Variants in TACR3 observed in about 807,000 individuals in gnomAD.
The protein encoded by TACR3 is neuromedin-K receptor.
A neutral mutation model predicts 35.0 loss-of-function variants in TACR3; 34 were observed. The ratio of observed to expected loss-of-function variants is 0.97; its 90% confidence interval spans 0.74 to 1.30. The LOEUF is 1.30. TACR3 is among the 50% of genes most tolerant of loss of function. TACR3 has a pLI of 0.00. For synonymous variants in TACR3, 233 were observed against 221.1 expected, an observed-to-expected ratio of 1.05 and a Z score of -0.48; for missense variants, 558 against 591.7, an observed-to-expected ratio of 0.94 and a Z score of 0.59.
intron 3 of TACR3, among the ~76,000 whole-genome samples, chr4:103,609,012 A>C (rs1328630714): frequency 2.6e-5 from 4 of 152,120 alleles, no homozygotes; most frequent in African/African-American, 9.7e-5. Flanking sequence ...ATTTGATTAG[A>C]AAACAGTGTA....
Position 103,660,704 on chromosome 4 carries a change from T to C in TACR3, c.549-2301A>G, listed in dbSNP as rs77641137. On this transcript the variant is annotated intron_variant, in intron 1 of 4. Transcript: ENST00000304883. Reference sequence around the variant, plus strand: ...ATATCAAGTATACCTCAATAAAGCTTACAGAAAGAGAAAAGAAAAAGTAGT... The same window carrying C: ...ATATCAAGTATACCTCAATAAAGCTCACAGAAAGAGAAAAGAAAAAGTAGT... Among the ~76,000 whole-genome samples the C allele has an allele frequency of 1.7e-3, 254 of 152,022 alleles. 7 individuals are homozygous for C. In the East Asian group the frequency reaches 0.047, roughly 28 times the overall value.
chr4:103,619,154 G>A (rs1414672113), intron 3 of TACR3, among the ~76,000 whole-genome samples: 1 of 151,974 alleles, frequency 6.6e-6, no homozygotes, highest in African/African-American at 2.4e-5. Context: ...GGGTTTTCTA[G>A]GTATACAATC....
chr4:103,596,315 G>A (rs1305833731), intron 3 of TACR3, among the ~76,000 whole-genome samples: 1 of 151,936 alleles, frequency 6.6e-6, no homozygotes, highest in Non-Finnish European at 1.5e-5. Flanking sequence ...ACATCCCTGA[G>A]GAATCGCCAC....
intron 1 of TACR3, among the ~76,000 whole-genome samples, chr4:103,687,356 T>C (rs1722273940): frequency 6.6e-6 from 1 of 152,092 alleles, no homozygotes; most frequent in African/African-American, 2.4e-5. Context: ...ATGCCCTCTC[T>C]CAACACTCCT....
At chr4:103,679,303 T>G (rs1446038214) in intron 1 of TACR3, among the ~76,000 whole-genome samples, 1 of 152,052 alleles carries the variant, frequency 6.6e-6, no homozygotes, top group African/African-American at 2.4e-5. Context: ...TGTGTGTATT[T>G]CTTTGAGATG....
chr4:103,698,886 G>A (rs1722584842), intron 1 of TACR3, among the ~76,000 whole-genome samples: 2 of 152,180 alleles, frequency 1.3e-5, no homozygotes, highest in East Asian at 1.9e-4. Context: ...TTGTATGACT[G>A]TATAAAAACA....
chr4:103,654,495 A>G (rs1725688209), intron 3 of TACR3, among the ~76,000 whole-genome samples: 2 of 138,050 alleles, frequency 1.4e-5, no homozygotes, highest in Non-Finnish European at 3.1e-5. Context: ...GAACTGAACC[A>G]TGAGAACAGA....
At chr4:103,683,976 C>T (rs909359908) in intron 1 of TACR3, among the ~76,000 whole-genome samples, 1 of 151,730 alleles carries the variant, frequency 6.6e-6, no homozygotes, top group African/African-American at 2.4e-5. Context: ...AACCCAAAAA[C>T]CAATTTAAAT....
chr4:103,703,483 G>C (rs1157912318), intron 1 of TACR3, among the ~76,000 whole-genome samples: 1 of 152,040 alleles, frequency 6.6e-6, no homozygotes, highest in Non-Finnish European at 1.5e-5. Context: ...TCACCTCATG[G>C]CACATATAAA....
chr4:103,618,521 C>G (rs1419225750), intron 3 of TACR3, among the ~76,000 whole-genome samples: 1 of 130,402 alleles, frequency 7.7e-6, no homozygotes, highest in Non-Finnish European at 1.5e-5. Context: ...TATGATGCCT[C>G]TGGATTTGTT....
intron 3 of TACR3, among the ~76,000 whole-genome samples, chr4:103,606,351 A>C (rs1015341150): frequency 1.3e-5 from 2 of 152,120 alleles, no homozygotes; most frequent in Non-Finnish European, 2.9e-5. Context: ...GTTTTTTCCA[A>C]TTCTGTGAAG....
intron 3 of TACR3, among the ~76,000 whole-genome samples, chr4:103,634,848 C>G (rs921876804): frequency 9.9e-5 from 15 of 152,078 alleles, no homozygotes; most frequent in African/African-American, 3.6e-4. Flanking sequence ...TTCCATTTCA[C>G]CTTTAGTTTC....
In TACR3 at chr4:103,658,270, G is replaced by T; in HGVS notation, c.682C>A (p.Pro228Thr). Residue 228 changes from proline to threonine, a missense_variant, in exon 2 of 5, where the codon CCA becomes ACA. Pro to Thr is a conservative substitution (Grantham distance 38). Coordinates refer to ENST00000304883, the MANE Select transcript of TACR3 (RefSeq NM_001059.3). ...TGCACAAAGCAGAGAGTACGGCCTG[G>T]CATGACTTTGGTTTTGGAATAAAGA... ...QCLYSKTKVMPGRTLCFVQWP... is the reference protein window; with the variant it reads ...QCLYSKTKVMTGRTLCFVQWP... 1 of 1,613,952 alleles carries T rather than the reference G, an allele frequency of 6.2e-7. No individual in the cohort carries two copies. Among genetic ancestry groups the T allele is most frequent in the Non-Finnish European group, 8.5e-7 (1 of 1,179,924 alleles).
At chr4:103,659,279 T>A (rs962642242) in intron 1 of TACR3, among the ~76,000 whole-genome samples, 1 of 152,230 alleles carries the variant, frequency 6.6e-6, no homozygotes, top group Admixed American at 6.5e-5. Context: ...GATTTGGTAT[T>A]GTGCCTAACA....
intron 1 of TACR3, among the ~76,000 whole-genome samples, chr4:103,662,047 T>G (rs1725844979): frequency 6.6e-6 from 1 of 152,142 alleles, no homozygotes; most frequent in Non-Finnish European, 1.5e-5. Context: ...TAAGGCCAAG[T>G]GTATACATGA....
chr4:103,596,216 T>A (rs1724013036), intron 3 of TACR3, among the ~76,000 whole-genome samples: 1 of 151,682 alleles, frequency 6.6e-6, no homozygotes, highest in Admixed American at 6.6e-5. Context: ...AACATACGTG[T>A]GCATGTGTCT....
intron 3 of TACR3, among the ~76,000 whole-genome samples, chr4:103,629,845 C>CAAAAAAA (rs1487546451): frequency 1.0e-4 from 6 of 59,542 alleles, no homozygotes; most frequent in African/African-American, 3.4e-4. Context: ...CAATCCTAAG[C>CAAAAAAA]AAAACAAAAA....
intron 3 of TACR3, among the ~76,000 whole-genome samples, chr4:103,636,526 A>G (rs1401864990): frequency 5.3e-5 from 8 of 152,078 alleles, no homozygotes; most frequent in Non-Finnish European, 1.0e-4. Context: ...ATACAATAAT[A>G]CAATTCAGTG....
intron 3 of TACR3, among the ~76,000 whole-genome samples, chr4:103,650,817 T>TATTA (rs369989980): frequency 0.76 from 5,944 of 7,810 alleles, 2,764 homozygotes; most frequent in East Asian, 1. Flanking sequence ...TAATAATATA[T>TATTA]TATATAATAA....
Sources: allele counts gnomAD v4.1 joint callset (sites outside exome capture counted in the v4.1 genomes callset), GRCh38; gene constraint gnomAD v4.1.1; transcripts MANE v1.5; gene names NCBI Gene and HGNC (gene_info 2026-07-23, HGNC 2026-07-21).